Variants in MAPK8 observed in about 807,000 individuals in gnomAD.
The protein encoded by MAPK8 is JUN N-terminal kinase.
Under a neutral mutation model 52.9 loss-of-function variants are expected in MAPK8, and 13 were observed. That is an observed-to-expected ratio of 0.25 (90% confidence interval 0.16 to 0.39). MAPK8 has a LOEUF of 0.39. Ranked by LOEUF, MAPK8 falls within the 10% of genes least tolerant of loss-of-function variation. MAPK8 has a pLI of 1.00. For synonymous variants in MAPK8, 191 were observed against 169.8 expected, an observed-to-expected ratio of 1.12 and a Z score of -0.97; for missense variants, 300 against 519.2, an observed-to-expected ratio of 0.58 and a Z score of 4.10.
At chr10:48,323,229 T>C (rs1027162012) in intron 1 of MAPK8, among the ~76,000 whole-genome samples, 1 of 152,196 alleles carries the variant, frequency 6.6e-6, no homozygotes, top group Non-Finnish European at 1.5e-5. Context: ...TTCATGTCTA[T>C]TAGGAGTGTA....
Position 48,417,499 on chromosome 10 carries a change from C to T in MAPK8, c.451-2656C>T, listed in dbSNP as rs532399447. On this transcript the variant is annotated intron_variant, in intron 5 of 11. Transcript: ENST00000374189. ...GGCTTAAGGCAATATTTATTGTTTA[C>T]TTGGGTCTGCAGGGTTGGCTGTGTG... Among the ~76,000 whole-genome samples the T allele has an allele frequency of 3.3e-5, 5 of 152,312 alleles. No individual in the cohort carries two copies. In the South Asian group the frequency reaches 8.3e-4, roughly 25 times the overall value.
At chr10:48,338,967 T>C (rs1844967856) in intron 1 of MAPK8, among the ~76,000 whole-genome samples, 1 of 152,052 alleles carries the variant, frequency 6.6e-6, no homozygotes, top group South Asian at 2.1e-4. Context: ...GTCCCATGCT[T>C]GTAGATTGAA....
intron 1 of MAPK8, among the ~76,000 whole-genome samples, chr10:48,399,328 ATAAG>A (rs896377308): frequency 1.3e-5 from 2 of 152,330 alleles, no homozygotes; most frequent in Non-Finnish European, 2.9e-5. Context: ...ATGACTGAGT[ATAAG>A]TGAGTAGAGA....
intron 1 of MAPK8, among the ~76,000 whole-genome samples, chr10:48,399,612 C>T (rs909601799): frequency 1.3e-5 from 2 of 152,160 alleles, no homozygotes; most frequent in African/African-American, 4.8e-5. Flanking sequence ...GGAAACCTGC[C>T]CTACTGCATG....
At chr10:48,373,840 G>A (rs1468050340) in intron 1 of MAPK8, among the ~76,000 whole-genome samples, 2 of 152,004 alleles carry the variant, frequency 1.3e-5, no homozygotes, top group East Asian at 3.9e-4. Context: ...ATAGATCAAC[G>A]AGACAGAAAA....
At chr10:48,378,506 C>T (rs2040804625) in intron 1 of MAPK8, among the ~76,000 whole-genome samples, 1 of 151,846 alleles carries the variant, frequency 6.6e-6, no homozygotes, top group Non-Finnish European at 1.5e-5. Flanking sequence ...AAAAAAGAAC[C>T]TATTCATTAG....
At chr10:48,429,486 CAGAA>C (rs770683397) in intron 10 of MAPK8, among the ~76,000 whole-genome samples, 5 of 152,182 alleles carry the variant, frequency 3.3e-5, no homozygotes, top group East Asian at 1.9e-4. Context: ...TAGCGCATAG[CAGAA>C]AGAAAGATTA....
intron 1 of MAPK8, among the ~76,000 whole-genome samples, chr10:48,334,699 G>T (rs1224036432): frequency 6.6e-6 from 1 of 152,142 alleles, no homozygotes; most frequent in East Asian, 1.9e-4. Flanking sequence ...CAGGCATAAA[G>T]ATCCCAGACG....
At chr10:48,338,002 G>C (rs555893317) in intron 1 of MAPK8, among the ~76,000 whole-genome samples, 1 of 152,092 alleles carries the variant, frequency 6.6e-6, no homozygotes, top group Non-Finnish European at 1.5e-5. Flanking sequence ...TTCATAGCCA[G>C]ATTTTACTAG....
chr10:48,373,676 AAG>A (rs764077410), intron 1 of MAPK8, among the ~76,000 whole-genome samples: 9 of 151,446 alleles, frequency 5.9e-5, no homozygotes, highest in Non-Finnish European at 1.2e-4. Context: ...CATAATGGGA[AAG>A]AGATGAATGA....
rs147177981 is a variant in MAPK8, at chr10:48,358,905, G to A, written c.-49-42707G>A. 6.6e-5 allele frequency among the ~76,000 whole-genome samples: 10 copies of A among 152,192 alleles called. No individual in the cohort carries two copies. In the East Asian group the frequency reaches 1.9e-3, roughly 29 times the overall value. The stretch of plus-strand genomic sequence containing the variant: ...TGTCTTGACACCCTTGTCAGAAATC[G>A]ATGACCATTGATATATGGGTTTACT... On this transcript the variant is annotated intron_variant, in intron 1 of 11. Coordinates refer to ENST00000374189, the MANE Select transcript of MAPK8 (RefSeq NM_001323329.2).
chr10:48,341,277 T>C (rs1845230502), intron 1 of MAPK8, among the ~76,000 whole-genome samples: 2 of 152,184 alleles, frequency 1.3e-5, no homozygotes, highest in Admixed American at 1.3e-4. Flanking sequence ...GCCTTGCTAA[T>C]GAAATGTAAA....
chr10:48,307,540 G>A (rs1444066802), intron 1 of MAPK8, among the ~76,000 whole-genome samples: 1 of 152,104 alleles, frequency 6.6e-6, no homozygotes, highest in Non-Finnish European at 1.5e-5. Flanking sequence ...TCTTTGTCTC[G>A]CATTTGTGTT....
chr10:48,396,771 A>C (rs1270374779), intron 1 of MAPK8, among the ~76,000 whole-genome samples: 1 of 152,230 alleles, frequency 6.6e-6, no homozygotes, highest in Non-Finnish European at 1.5e-5. Flanking sequence ...TCTTAAGGGC[A>C]TTATACTGAG....
At chr10:48,397,434 A>T (rs897943543) in intron 1 of MAPK8, among the ~76,000 whole-genome samples, 5 of 151,994 alleles carry the variant, frequency 3.3e-5, no homozygotes, top group Non-Finnish European at 7.4e-5. Flanking sequence ...AGGATTATAG[A>T]TATGAGCCAC....
intron 7 of MAPK8, chr10:48,424,661 A>G: frequency 1.1e-6 from 1 of 943,828 alleles, no homozygotes; most frequent in Non-Finnish European, 1.6e-6. Flanking sequence ...GGTCAGGTAT[A>G]ATGTATTTTG....
chr10:48,389,583 T>C (rs1564568869), intron 1 of MAPK8, among the ~76,000 whole-genome samples: 1 of 152,186 alleles, frequency 6.6e-6, no homozygotes, highest in African/African-American at 2.4e-5. Context: ...TCCTGTAAAC[T>C]ACTCCTTGAG....
At chr10:48,344,915 TAG>T (rs1469122309) in intron 1 of MAPK8, among the ~76,000 whole-genome samples, 5 of 152,052 alleles carry the variant, frequency 3.3e-5, no homozygotes, top group Non-Finnish European at 5.9e-5. Context: ...GAAATCCAGG[TAG>T]AGTCAGTAAA....
intron 1 of MAPK8, among the ~76,000 whole-genome samples, chr10:48,377,732 G>A (rs1356392842): frequency 2.0e-5 from 3 of 152,142 alleles, no homozygotes; most frequent in Non-Finnish European, 2.9e-5. Context: ...CCTTTTCTCT[G>A]TGGCTCTCCC....
Sources: allele counts gnomAD v4.1 joint callset (sites outside exome capture counted in the v4.1 genomes callset), GRCh38; gene constraint gnomAD v4.1.1; transcripts MANE v1.5; gene names NCBI Gene and HGNC (gene_info 2026-07-23, HGNC 2026-07-21).